The following DPP10 variants were observed in gnomAD, a reference collection of about 807,000 sequenced individuals.
DPP10 encodes dipeptidyl peptidase like 10, also known as inactive dipeptidyl peptidase 10.
Under a neutral mutation model 120.9 loss-of-function variants are expected in DPP10, and 33 were observed. That is an observed-to-expected ratio of 0.27 (90% CI 0.21 to 0.37). DPP10 has a LOEUF of 0.37. DPP10 is among the 10% of genes least tolerant of loss of function. DPP10 has a pLI of 1.00. For missense variants in DPP10, 816 were observed against 942.8 expected, an observed-to-expected ratio of 0.87 and a Z score of 1.76; for synonymous variants, 337 against 326.1, an observed-to-expected ratio of 1.03 and a Z score of -0.36.
In DPP10 at chr2:114,506,142, T is replaced by C. The variant is rs566283986; in HGVS notation, c.60+63304T>C. 3.2e-4 allele frequency among the ~76,000 whole-genome samples: 49 copies of C among 152,280 alleles called. No homozygotes were observed. The Middle Eastern group carries it at 0.014, about 42-fold the overall frequency. On this transcript the variant is annotated intron_variant, in intron 1 of 25. Coordinates refer to ENST00000410059, the MANE Select transcript of DPP10 (RefSeq NM_020868.6). ...ATACATACCTGTTTTCCCACTCAAATGTTGCCTTTTCCAAAACCACCCATG... is the reference window on the plus strand; with the variant it reads ...ATACATACCTGTTTTCCCACTCAAACGTTGCCTTTTCCAAAACCACCCATG...
intron 1 of DPP10, among the ~76,000 whole-genome samples, chr2:114,934,517 A>C (rs1014053044): frequency 8.6e-5 from 13 of 151,968 alleles, no homozygotes; most frequent in Non-Finnish European, 1.6e-4. Flanking sequence ...GGAGGAGAGG[A>C]GGGGTTGGTC....
Position 115,663,079 on chromosome 2 carries a change from G to A in DPP10, c.442-26608G>A, listed in dbSNP as rs774848561. On this transcript the variant is annotated intron_variant, in intron 5 of 25. Transcript: ENST00000410059. Reference sequence around the variant, plus strand: ...ATGAGATGTTTTGATACAAGCATGCGGTGTGAAATAAGCACATCATGGAAA... The same window carrying A: ...ATGAGATGTTTTGATACAAGCATGCAGTGTGAAATAAGCACATCATGGAAA... 3.3e-5 allele frequency among the ~76,000 whole-genome samples: 5 copies of A among 151,820 alleles called. No homozygotes were observed. In the East Asian group the frequency reaches 5.8e-4, roughly 18 times the overall value.
intron 3 of DPP10, among the ~76,000 whole-genome samples, chr2:115,354,760 C>T (rs2064261973): frequency 6.6e-6 from 1 of 151,526 alleles, no homozygotes; most frequent in South Asian, 2.1e-4. Flanking sequence ...TCCATATGTT[C>T]TCATTGTTCA....
chr2:114,452,736 AG>A (rs1048436325), intron 1 of DPP10, among the ~76,000 whole-genome samples: 4 of 152,146 alleles, frequency 2.6e-5, no homozygotes, highest in African/African-American at 7.2e-5. Context: ...AAACTGAAAA[AG>A]TCCCTTAGTA....
chr2:115,751,840 C>T (rs1363382126), intron 10 of DPP10, among the ~76,000 whole-genome samples: 1 of 150,868 alleles, frequency 6.6e-6, no homozygotes, highest in Non-Finnish European at 1.5e-5. Context: ...GCTCTGTCGC[C>T]CAGGCTGTAG....
chr2:114,804,387 G>T (rs955130656), intron 1 of DPP10, among the ~76,000 whole-genome samples: 1 of 152,174 alleles, frequency 6.6e-6, no homozygotes. Context: ...GCTGTGAGAA[G>T]AAAGAGGGCC....
intron 5 of DPP10, among the ~76,000 whole-genome samples, chr2:115,535,654 G>A (rs368832976): frequency 3.7e-4 from 55 of 149,710 alleles, no homozygotes; most frequent in Non-Finnish European, 6.3e-4. Context: ...GTGAAGAAAG[G>A]CATTGGTAGC....
chr2:114,813,707 T>C (rs1006882199), intron 1 of DPP10, among the ~76,000 whole-genome samples: 3 of 145,158 alleles, frequency 2.1e-5, no homozygotes, highest in Non-Finnish European at 4.5e-5. Context: ...ATTATGTCTA[T>C]GGAATTAAAT....
At chr2:114,873,567 G>T (rs1558830674) in intron 1 of DPP10, among the ~76,000 whole-genome samples, 1 of 152,140 alleles carries the variant, frequency 6.6e-6, no homozygotes, top group Non-Finnish European at 1.5e-5. Flanking sequence ...GGATGGAGCA[G>T]CTGTCATGGC....
At chr2:114,527,311 G>C (rs1410048424) in intron 1 of DPP10, among the ~76,000 whole-genome samples, 1 of 152,140 alleles carries the variant, frequency 6.6e-6, no homozygotes, top group Non-Finnish European at 1.5e-5. Flanking sequence ...AAACCCGGGA[G>C]TCCTTATGGA....
At chr2:115,405,313 C>A (rs1485058671) in intron 3 of DPP10, among the ~76,000 whole-genome samples, 1 of 152,162 alleles carries the variant, frequency 6.6e-6, no homozygotes, top group Admixed American at 6.5e-5. Context: ...TCAGAATATT[C>A]TTGTACTTCA....
chr2:114,954,119 A>C (rs553336161), intron 1 of DPP10, among the ~76,000 whole-genome samples: 108 of 125,948 alleles, frequency 8.6e-4, no homozygotes, highest in African/African-American at 3.2e-3. Flanking sequence ...CTCACTCTGT[A>C]GCCCAGGCTG....
At chr2:115,306,334 C>CA (rs575493976) in intron 1 of DPP10, among the ~76,000 whole-genome samples, 35 of 152,054 alleles carry the variant, frequency 2.3e-4, no homozygotes, top group African/African-American at 7.7e-4. Context: ...TTGGATGGAA[C>CA]AGAATTAGGA....
At chr2:115,186,578 C>T (rs991394878) in intron 1 of DPP10, among the ~76,000 whole-genome samples, 19 of 151,972 alleles carry the variant, frequency 1.3e-4, no homozygotes, top group African/African-American at 1.9e-4. Context: ...GCAGATAGGA[C>T]GAAGAAGGGG....
chr2:115,196,953 A>G (rs771912410), intron 1 of DPP10, among the ~76,000 whole-genome samples: 6 of 152,228 alleles, frequency 3.9e-5, no homozygotes, highest in Non-Finnish European at 8.8e-5. Context: ...GATTGCTAAC[A>G]TTGGAACTTA....
intron 2 of DPP10, among the ~76,000 whole-genome samples, chr2:115,329,900 T>C (rs927705628): frequency 2.6e-5 from 4 of 152,174 alleles, no homozygotes; most frequent in Admixed American, 6.5e-5. Context: ...TAAACATATG[T>C]GTGCATTGTG....
intron 1 of DPP10, among the ~76,000 whole-genome samples, chr2:115,230,562 G>A (rs1425672322): frequency 3.3e-5 from 5 of 151,950 alleles, no homozygotes; most frequent in Admixed American, 1.3e-4. Context: ...CCAATGAGTT[G>A]TTATGATTGT....
intron 4 of DPP10, among the ~76,000 whole-genome samples, chr2:115,514,231 T>A (rs2148850161): frequency 6.6e-6 from 1 of 152,056 alleles, no homozygotes; most frequent in East Asian, 1.9e-4. Context: ...GATCTATCTA[T>A]GTGTGGATCT....
At chr2:115,745,525 T>A (rs1677844894) in intron 9 of DPP10, among the ~76,000 whole-genome samples, 1 of 150,526 alleles carries the variant, frequency 6.6e-6, no homozygotes. Flanking sequence ...ATTATGCAAA[T>A]GAGTCACCCC....
Sources: gnomAD v4.1 joint callset for allele counts (sites outside exome capture counted in the v4.1 genomes callset) on GRCh38, gnomAD v4.1.1 for gene constraint, MANE v1.5 for transcripts, NCBI Gene and HGNC (gene_info 2026-07-23, HGNC 2026-07-21) for gene names.